JARID2: variants seen among roughly 807,000 people sequenced by gnomAD.
JARID2 encodes the protein protein Jumonji.
A neutral mutation model predicts 125.6 loss-of-function variants in JARID2; 21 were observed. The ratio of observed to expected loss-of-function variants is 0.17; its 90% confidence interval spans 0.12 to 0.24. The LOEUF (loss-of-function observed/expected upper bound fraction) is 0.24. Ranked by LOEUF, JARID2 falls within the 10% of genes least tolerant of loss-of-function variation. The pLI is 1.00. For missense variants in JARID2, 1,303 were observed against 1,639.6 expected, an observed-to-expected ratio of 0.79 and a Z score of 3.55; for synonymous variants, 736 against 661.6, an observed-to-expected ratio of 1.11 and a Z score of -1.73.
chr6:15,410,274 T>A lies in JARID2; in HGVS notation c.232T>A (p.Ser78Thr). The change falls in exon 3 of 18, where the codon TCA (serine) becomes ACA (threonine). Residue 78 changes from serine (S) to threonine (T), a missense_variant. By Grantham distance (58) the Ser-to-Thr change is moderately conservative (BLOSUM62 1). Transcript: ENST00000341776. ...GGGATTAGGACCAGCATCAGAACAG[T>A]CAGAGAATGAAAAGGACGATGCATC... is the stretch of plus-strand genomic sequence containing the variant. ...SKGLGPASEQ[S>T]ENEKDDASQV... 1 of 1,614,106 alleles carries A rather than the reference T, an allele frequency of 6.2e-7. No individual in the cohort carries two copies. The highest frequency in any genetic ancestry group is 8.5e-7 in the Non-Finnish European group (1 of 1,179,966).
intron 5 of JARID2, among the ~76,000 whole-genome samples, chr6:15,481,197 C>T (rs529790991): frequency 3.2e-4 from 48 of 152,318 alleles, no homozygotes; most frequent in African/African-American, 1.0e-3. Context: ...AAACACTTTT[C>T]TATAGGCCGT....
At chr6:15,495,778 T>C (rs1019395012) in intron 6 of JARID2, among the ~76,000 whole-genome samples, 1 of 152,192 alleles carries the variant, frequency 6.6e-6, no homozygotes, top group African/African-American at 2.4e-5. Flanking sequence ...GACAGGTGAT[T>C]GCATGGCACG....
At chr6:15,359,833 C>T (rs542900132) in intron 1 of JARID2, among the ~76,000 whole-genome samples, 3 of 151,928 alleles carry the variant, frequency 2.0e-5, no homozygotes, top group South Asian at 2.1e-4. Context: ...ACCACAGGCA[C>T]CCGCCACCAT....
chr6:15,511,144 C>G (rs1380524902), intron 12 of JARID2, 152 bp from the exon 13 acceptor site: 1 of 645,892 alleles, frequency 1.5e-6, no homozygotes, highest in East Asian at 2.7e-5. Flanking sequence ...CAGCAGTGAC[C>G]AGGCACCCAG....
chr6:15,368,656 T>G (rs1243039073), intron 1 of JARID2: 1 of 481,312 alleles, frequency 2.1e-6, no homozygotes, highest in Non-Finnish European at 4.2e-6. Context: ...TAGCATTACT[T>G]AGTGCCATAC....
intron 1 of JARID2, among the ~76,000 whole-genome samples, chr6:15,282,988 AT>A (rs1010118144): frequency 6.7e-6 from 1 of 148,196 alleles, no homozygotes; most frequent in African/African-American, 2.5e-5. Flanking sequence ...TATTTTTTTT[AT>A]TTTTTTTGAG....
intron 5 of JARID2, among the ~76,000 whole-genome samples, chr6:15,482,394 A>G (rs1162382762): frequency 1.3e-5 from 2 of 152,210 alleles, no homozygotes; most frequent in East Asian, 1.9e-4. Flanking sequence ...CATATCTACC[A>G]TATTAGAATT....
chr6:15,299,640 G>C (rs1010190080), intron 1 of JARID2, among the ~76,000 whole-genome samples: 1 of 152,112 alleles, frequency 6.6e-6, no homozygotes, highest in African/African-American at 2.4e-5. Context: ...AAAACCTGTG[G>C]CTTGTGTCTC....
intron 1 of JARID2, among the ~76,000 whole-genome samples, chr6:15,359,715 T>A (rs1201701595): frequency 2.4e-5 from 3 of 122,620 alleles, no homozygotes; most frequent in South Asian, 2.5e-4. Context: ...TTCTTTTTCC[T>A]TTTTTTTTTT....
At chr6:15,440,877 T>C (rs1351687633) in intron 3 of JARID2, among the ~76,000 whole-genome samples, 1 of 152,214 alleles carries the variant, frequency 6.6e-6, no homozygotes, top group African/African-American at 2.4e-5. Flanking sequence ...TTTTAACAAA[T>C]GTTGTCAGAG....
intron 1 of JARID2, among the ~76,000 whole-genome samples, chr6:15,287,421 T>C (rs980662927): frequency 6.6e-6 from 1 of 152,230 alleles, no homozygotes; most frequent in Non-Finnish European, 1.5e-5. Flanking sequence ...TGGGTCTAAT[T>C]ATTGTAATTT....
rs539989547 is a variant in JARID2, at chr6:15,459,496, CAGTT to C, written c.493+7322_493+7325del. On this transcript the variant is annotated intron_variant, in intron 4 of 17. Coordinates refer to ENST00000341776, the MANE Select transcript of JARID2 (RefSeq NM_004973.4). ...TTTTTACCTGAATGTTTTTGATCGA[CAGTT>C]GGTTGATTCCATGGGTGCAGAAGTG... is the stretch of plus-strand genomic sequence containing the variant. Among the ~76,000 whole-genome samples the C allele has an allele frequency of 8.7e-4, 133 of 152,306 alleles. 1 individual carries two copies. The highest frequency in any genetic ancestry group is 2.3e-3 in the African/African-American group (95 of 41,560).
chr6:15,374,150 C>T lies in JARID2; in HGVS notation c.79C>T (p.Arg27Trp), dbSNP rs756409895. Residue 27 changes from arginine (R) to tryptophan (W), a missense_variant, in exon 2 of 18, where the codon CGG (arginine) becomes TGG (tryptophan). Arg to Trp is a moderately radical substitution (Grantham distance 101). Around this residue, in one of 11 missense-constraint regions of JARID2, gnomAD observed 93 missense variants for 120.4 expected, o/e 0.77. Transcript: ENST00000341776. ...DSDGIPWSEE[R>W]VVRKVLYLSL... ...TGATGGGATTCCGTGGTCAGAAGAA[C>T]GGGTGGTACGTAAAGTCCTTTATTT... 2.5e-6 allele frequency: 4 copies of T among 1,613,918 alleles called. No individual in the cohort carries two copies. Among genetic ancestry groups the T allele is most frequent in the African/African-American group, 1.3e-5 (1 of 74,900 alleles).
chr6:15,327,138 ACT>A (rs1485570451), intron 1 of JARID2, among the ~76,000 whole-genome samples: 1 of 150,994 alleles, frequency 6.6e-6, no homozygotes, highest in Non-Finnish European at 1.5e-5. Flanking sequence ...CCTTTCTCTT[ACT>A]CTGTTAGCCT....
At chr6:15,497,361 G>A (rs918625221) in intron 7 of JARID2, among the ~76,000 whole-genome samples, 191 bp downstream of exon 7, 1 of 152,164 alleles carries the variant, frequency 6.6e-6, no homozygotes, top group African/African-American at 2.4e-5. Context: ...TTGGTGGCAG[G>A]ATAAGAATGG....
chr6:15,310,789 A>G (rs1341848566), intron 1 of JARID2, among the ~76,000 whole-genome samples: 2 of 152,222 alleles, frequency 1.3e-5, no homozygotes, highest in East Asian at 1.9e-4. Flanking sequence ...TAGTCTTAAA[A>G]TAAATCTTGG....
intron 1 of JARID2, among the ~76,000 whole-genome samples, chr6:15,316,675 A>T (rs1307965051): frequency 6.6e-6 from 1 of 151,972 alleles, no homozygotes; most frequent in Non-Finnish European, 1.5e-5. Context: ...GCTAATTTTT[A>T]TATTTTTAGT....
At chr6:15,510,036 CCAGGATT>C (rs1483514447) in intron 12 of JARID2, among the ~76,000 whole-genome samples, 1 of 152,142 alleles carries the variant, frequency 6.6e-6, no homozygotes, top group African/African-American at 2.4e-5. Flanking sequence ...GCAACTGAAA[CCAGGATT>C]TGGCCTCAGA....
rs1224928622 is a variant in JARID2, at chr6:15,504,511, T to C, written c.2460T>C (p.Val820=). 1 of 1,613,376 alleles carries C rather than the reference T, an allele frequency of 6.2e-7. No homozygotes were observed. The highest frequency in any genetic ancestry group is 8.5e-7 in the Non-Finnish European group (1 of 1,179,326). ...TTGTTTTGTTTCAGGGAAGGTCTGT[T>C]TCTCTAACAACTTTTTATCGAACAG... ...FHKCIYKGRS[V]SLTTFYRTAR... is the part of the protein sequence containing the mutation. Residue 820 remains valine, a synonymous_variant, in exon 9 of 18, where the codon GTT becomes GTC. Coordinates refer to ENST00000341776, the MANE Select transcript of JARID2 (RefSeq NM_004973.4).
Sources: gnomAD v4.1 joint callset for allele counts (sites outside exome capture counted in the v4.1 genomes callset) on GRCh38, gnomAD v4.1.1 for gene constraint, gnomAD v4.1.1 regional missense constraint, MANE v1.5 for transcripts, NCBI Gene and HGNC (gene_info 2026-07-23, HGNC 2026-07-21) for gene names.